Variants in NLGN4X observed in about 807,000 individuals in gnomAD.
The protein encoded by NLGN4X is neuroligin-4, X-linked.
Under a neutral mutation model 40.3 loss-of-function variants are expected in NLGN4X, and 3 were observed. The ratio of observed to expected loss-of-function variants is 0.07; its 90% CI spans 0.03 to 0.19. NLGN4X has a LOEUF of 0.19. Ranked by LOEUF, NLGN4X falls within the 10% of genes least tolerant of loss-of-function variation. The pLI is 1.00. For synonymous variants in NLGN4X, 270 were observed against 306.8 expected, an observed-to-expected ratio of 0.88 and a Z score of 1.25; for missense variants, 382 against 708.3, an observed-to-expected ratio of 0.54 and a Z score of 5.23.
chrX:6,074,914 G>T (rs2038158176), intron 2 of NLGN4X, among the ~76,000 whole-genome samples: 1 of 111,807 alleles, frequency 8.9e-6, no homozygotes, highest in Non-Finnish European at 1.9e-5. Flanking sequence ...AGACAAGAGT[G>T]AAGGTCTGCT....
chrX:6,082,397 T>G (rs1185936867), intron 2 of NLGN4X, among the ~76,000 whole-genome samples: 1 of 108,425 alleles, frequency 9.2e-6, no homozygotes, highest in Non-Finnish European at 1.9e-5. Context: ...AAAAATTAGC[T>G]GGGCATGGTG....
intron 1 of NLGN4X, among the ~76,000 whole-genome samples, chrX:6,223,174 GT>G (rs1281144332): frequency 2.7e-5 from 3 of 110,495 alleles, no homozygotes; most frequent in South Asian, 7.7e-4. Context: ...ACTATATATA[GT>G]TTTTTATATA....
At chrX:6,112,817 G>A (rs919907804) in intron 2 of NLGN4X, among the ~76,000 whole-genome samples, 4 of 110,306 alleles carry the variant, frequency 3.6e-5, no homozygotes, top group East Asian at 2.9e-4. Flanking sequence ...GAAAGTGTGT[G>A]TGCAGGAGGA....
intron 2 of NLGN4X, among the ~76,000 whole-genome samples, chrX:6,102,703 TGATA>T: frequency 9.1e-6 from 1 of 109,504 alleles, no homozygotes; most frequent in African/African-American, 3.3e-5. Flanking sequence ...TGCATAGAGA[TGATA>T]GATACATATA....
chrX:6,115,269 A>C (rs1010081932), intron 2 of NLGN4X, among the ~76,000 whole-genome samples: 6 of 111,891 alleles, frequency 5.4e-5, no homozygotes, highest in African/African-American at 2.0e-4. Context: ...CTGGAAACAA[A>C]ACAAATTCTA....
chrX:6,010,513 T>TTTATTATTATTATTATTATTA (rs58321620), intron 3 of NLGN4X, among the ~76,000 whole-genome samples: 19,515 of 95,167 alleles, frequency 0.21, 1,875 homozygotes, highest in Non-Finnish European at 0.25. Flanking sequence ...TTCTTTTTAT[T>TTTATTATTATTATTATTATTA]TTATTATTAT....
At chrX:5,995,078 A>G (rs1444978319) in intron 3 of NLGN4X, among the ~76,000 whole-genome samples, 3 of 112,334 alleles carry the variant, frequency 2.7e-5, no homozygotes, top group African/African-American at 9.7e-5. Flanking sequence ...AGCTCCTCTA[A>G]TGAATGAGTC....
At chrX:6,109,123 G>A (rs1007655660) in intron 2 of NLGN4X, among the ~76,000 whole-genome samples, 2 of 110,846 alleles carry the variant, frequency 1.8e-5, no homozygotes, top group African/African-American at 3.3e-5. Flanking sequence ...AAAATTAGCC[G>A]GATATGGTGG....
chrX:5,944,242 T>C (rs2034049019), intron 3 of NLGN4X, among the ~76,000 whole-genome samples: 1 of 111,628 alleles, frequency 9.0e-6, no homozygotes, highest in South Asian at 3.8e-4. Context: ...GAAACTTGCA[T>C]ATCTTCCTAA....
intron 3 of NLGN4X, among the ~76,000 whole-genome samples, chrX:5,927,049 T>C (rs2033361071): frequency 9.0e-6 from 1 of 111,173 alleles, no homozygotes; most frequent in African/African-American, 3.3e-5. Flanking sequence ...TACATATGTA[T>C]GTATGTAAAC....
chrX:5,919,039 GC>G (rs1157140030), intron 3 of NLGN4X, among the ~76,000 whole-genome samples: 8 of 112,196 alleles, frequency 7.1e-5, no homozygotes, highest in African/African-American at 2.6e-4. Flanking sequence ...AATAGCTGGG[GC>G]TAAGATTTCT....
chrX:6,105,382 T>C (rs1011835071), intron 2 of NLGN4X, among the ~76,000 whole-genome samples: 1 of 109,978 alleles, frequency 9.1e-6, no homozygotes, highest in East Asian at 2.8e-4. Flanking sequence ...ATTTAGAATA[T>C]GGAATAAAAT....
chrX:6,084,488 C>T (rs1018702959), intron 2 of NLGN4X, among the ~76,000 whole-genome samples: 2 of 110,771 alleles, frequency 1.8e-5, no homozygotes, highest in South Asian at 3.8e-4. Flanking sequence ...GAGAGTTATA[C>T]GAACAAATGA....
At chrX:6,029,470 A>G (rs774042647) in intron 2 of NLGN4X, 38 bp from the exon 3 acceptor site, 9 of 1,171,081 alleles carry the variant, frequency 7.7e-6, no homozygotes, top group Non-Finnish European at 9.3e-6. Flanking sequence ...ACAATAAAGA[A>G]TCACACTGAC....
At chrX:6,039,108 T>C (rs1317290713) in intron 2 of NLGN4X, among the ~76,000 whole-genome samples, 1 of 111,195 alleles carries the variant, frequency 9.0e-6, no homozygotes, top group Non-Finnish European at 1.9e-5. Flanking sequence ...AGAGAGTCTG[T>C]ACTTTCACCC....
chrX:6,223,901 TCAGACAAAAA>T (rs1925921187), intron 1 of NLGN4X, among the ~76,000 whole-genome samples: 1 of 112,857 alleles, frequency 8.9e-6, no homozygotes, highest in African/African-American at 3.2e-5. Context: ...AGTACAGTAC[TCAGACAAAAA>T]CACACACAAA....
chrX:5,932,706 C>A (rs2033591671), intron 3 of NLGN4X, among the ~76,000 whole-genome samples: 1 of 109,156 alleles, frequency 9.2e-6, no homozygotes, highest in Admixed American at 9.8e-5. Flanking sequence ...AAGAAATTCC[C>A]AGAAAGCATC....
rs1195278969 is a variant in NLGN4X, at chrX:5,892,732, CTCTCTCTTTCCT to C, written c.*73_*84del. 9.9e-5 allele frequency: 114 copies of C among 1,150,689 alleles called. No homozygotes were observed. The highest frequency in any genetic ancestry group is 1.8e-4 in the African/African-American group (10 of 55,712). 94.8% of individuals were successfully genotyped at this position (1,150,689 alleles called of 1,213,427 possible). On this transcript the variant is annotated 3_prime_UTR_variant, in exon 6 of 6. Transcript: ENST00000381095. ...TTCCTGGTCTGGAGACTTTCTTTCT[CTCTCTCTTTCCT>C]TCTCTCTTTCCTTCCCTCTTCTATG...
intron 3 of NLGN4X, among the ~76,000 whole-genome samples, chrX:6,000,169 C>G (rs1451178439): frequency 8.9e-6 from 1 of 112,263 alleles, no homozygotes; most frequent in Non-Finnish European, 1.9e-5. Context: ...ACAGAAGATG[C>G]CTCCCAGTAT....
Sources: allele counts gnomAD v4.1 joint callset (sites outside exome capture counted in the v4.1 genomes callset), GRCh38; gene constraint gnomAD v4.1.1; transcripts MANE v1.5; gene names NCBI Gene and HGNC (gene_info 2026-07-23, HGNC 2026-07-21).